The following TM4SF18 variants were observed in gnomAD, a reference collection of about 807,000 sequenced individuals.
TM4SF18 encodes transmembrane 4 L6 family member 18.
Under a neutral mutation model 23.8 loss-of-function variants are expected in TM4SF18, and 22 were observed. The observed-to-expected ratio is 0.92, with a 90% CI of 0.66 to 1.32. TM4SF18 has a LOEUF of 1.32. Among genes scored for constraint, TM4SF18 ranks in the 40% most tolerant of loss-of-function variants. TM4SF18 has a pLI of 0.00. For synonymous variants in TM4SF18, 87 were observed against 87.9 expected (o/e 0.99, Z 0.06); for missense variants, 255 against 240.3 (o/e 1.06, Z -0.41).
In TM4SF18 at chr3:149,318,751, G is replaced by A. The variant is rs530750682; in HGVS notation, c.*2727C>T. 2 of 152,136 alleles carry A rather than the reference G, an allele frequency of 1.3e-5. No individual in the cohort carries two copies. Among genetic ancestry groups the A allele is most frequent in the Non-Finnish European group, 2.9e-5 (2 of 68,028 alleles). The allele number at this position is 152,136 out of a possible 1,614,324, so 9.4% of individuals were successfully genotyped here. On this transcript the variant is annotated 3_prime_UTR_variant, in exon 6 of 6. Transcript: ENST00000296059. ...TTCCAATATTAGGCATTTTCAGGGT[G>A]TTGTGACCACAGATGATGTAACTAT...
chr3:149,325,169 AGT>A, intron 3 of TM4SF18, 147 bp from the exon 4 acceptor site: 1 of 690,108 alleles, frequency 1.4e-6, no homozygotes, highest in South Asian at 3.4e-5. Context: ...TAAAAAAAAA[AGT>A]AATCCAAACC....
intron 2 of TM4SF18, among the ~76,000 whole-genome samples, 187 bp from the exon 3 acceptor site, chr3:149,330,606 G>A (rs980422495): frequency 1.1e-4 from 17 of 152,236 alleles, no homozygotes; most frequent in Non-Finnish European, 2.1e-4. Context: ...TCAAGAGATC[G>A]TCACGAGGTA....
At chr3:149,329,632 C>T (rs922494497) in intron 3 of TM4SF18, among the ~76,000 whole-genome samples, 19 of 152,048 alleles carry the variant, frequency 1.2e-4, no homozygotes, top group Admixed American at 7.9e-4. Flanking sequence ...TGTGAATAAA[C>T]GATGAAGAGG....
chr3:149,333,548 T>C lies in TM4SF18; in HGVS notation c.-53A>G, dbSNP rs920991615. The C allele has an allele frequency of 1.7e-5, 8 of 483,374 alleles. No homozygotes were observed. The highest frequency in any genetic ancestry group is 2.4e-5 in the Non-Finnish European group (7 of 287,338). 29.9% of individuals were successfully genotyped at this position (483,374 alleles called of 1,614,324 possible). A position where few individuals can be genotyped will look rare whatever the true frequency, so the allele number is the denominator to read the frequency against. ...GTCAGAGCCCTTCACTTCATATTCA[T>C]GAGGAGACGGGGAATTGGAATATAC... On this transcript the variant is annotated 5_prime_UTR_variant, in exon 1 of 6. It removes an upstream start codon present in the reference 5' UTR. Transcript: ENST00000296059.
intron 3 of TM4SF18, among the ~76,000 whole-genome samples, chr3:149,325,674 A>G (rs988475123): frequency 6.6e-6 from 1 of 152,114 alleles, no homozygotes; most frequent in Admixed American, 6.5e-5. Context: ...CATGGTACTA[A>G]TGCTGGGAAA....
At chr3:149,324,556 A>C (rs1230582411) in intron 4 of TM4SF18, among the ~76,000 whole-genome samples, 1 of 152,204 alleles carries the variant, frequency 6.6e-6, no homozygotes, top group Non-Finnish European at 1.5e-5. Flanking sequence ...CCAGTCCATA[A>C]GCTCCAGCTG....
rs202040503 is a variant in TM4SF18 at position 149,322,320 on chromosome 3, C to G, written c.527G>C (p.Cys176Ser). Residue 176 changes from cysteine to serine, a missense_variant, in exon 5 of 6, where the codon TGC becomes TCC. Coordinates refer to ENST00000296059, the MANE Select transcript of TM4SF18 (RefSeq NM_138786.4). The part of the protein sequence containing the change: ...ITLSGLQVII[C>S]LIRVVMQLSK... The stretch of plus-strand genomic sequence containing the variant: ...TAGTTGCATGACTACTCTGATGAGG[C>G]AGATGATCACTTGAAGCCCACTGAG... The G allele has an allele frequency of 5.6e-6, 9 of 1,613,898 alleles. No homozygotes were observed. Among genetic ancestry groups the G allele is most frequent in the Non-Finnish European group, 6.8e-6 (8 of 1,179,988 alleles).
chr3:149,333,348 C>T lies in TM4SF18; in HGVS notation c.35G>A (p.Cys12Tyr), dbSNP rs762598206. The T allele has an allele frequency of 3.1e-6, 5 of 1,613,242 alleles. No individual in the cohort carries two copies. In the African/African-American group the frequency reaches 6.7e-5, roughly 22 times the overall value. ...GSRKCGGCLS[C>Y]LLIPLALWSI... ...CCAAAGTGCAAGCGGAATCAGCAAACAACTTAGGCAGCCTCCACACTTCCG... is the reference window on the plus strand; with the variant it reads ...CCAAAGTGCAAGCGGAATCAGCAAATAACTTAGGCAGCCTCCACACTTCCG... The change falls in exon 2 of 6, where the codon TGT (cysteine) becomes TAT (tyrosine). Residue 12 changes from cysteine to tyrosine, a missense_variant. Coordinates refer to ENST00000296059, the MANE Select transcript of TM4SF18 (RefSeq NM_138786.4).
At chr3:149,329,160 A>T (rs1374696908) in intron 3 of TM4SF18, among the ~76,000 whole-genome samples, 2 of 108,404 alleles carry the variant, frequency 1.8e-5, no homozygotes, top group African/African-American at 9.3e-5. Flanking sequence ...AACTGGTCAC[A>T]CACACACACA....
intron 1 of TM4SF18, 33 bp downstream of exon 1, chr3:149,333,480 C>CTTTT (rs1276134709): frequency 2.8e-5 from 11 of 391,532 alleles, no homozygotes; most frequent in East Asian, 1.6e-4. Flanking sequence ...CTCTCTCTCT[C>CTTTT]TCTTTTTTTT....
intron 3 of TM4SF18, among the ~76,000 whole-genome samples, chr3:149,328,004 A>T (rs912316576): frequency 3.4e-5 from 5 of 148,698 alleles, no homozygotes; most frequent in African/African-American, 1.2e-4. Context: ...CAATTTCAAA[A>T]ATAAAATATA....
chr3:149,322,499 T>A (rs1476319463), intron 4 of TM4SF18, 63 bp from the exon 5 acceptor site: 1 of 1,423,664 alleles, frequency 7.0e-7, no homozygotes, highest in Non-Finnish European at 9.6e-7. Flanking sequence ...CAAGCATTTG[T>A]ATGTTTGAGA....
At chr3:149,331,374 T>C (rs1338364091) in intron 2 of TM4SF18, among the ~76,000 whole-genome samples, 1 of 152,220 alleles carries the variant, frequency 6.6e-6, no homozygotes, top group African/African-American at 2.4e-5. Context: ...AGAACAGGTT[T>C]CTTTTCCTAG....
chr3:149,333,482 C>CCTTTT, intron 1 of TM4SF18, 31 bp downstream of exon 1: 1 of 235,256 alleles, frequency 4.3e-6, no homozygotes, highest in South Asian at 1.4e-4. Context: ...CTCTCTCTCT[C>CCTTTT]TTTTTTTTTT....
intron 4 of TM4SF18, 136 bp downstream of exon 4, chr3:149,324,744 A>G: frequency 3.5e-6 from 4 of 1,134,070 alleles, no homozygotes. Context: ...GGATATTAGT[A>G]AACTAACAGG....
intron 3 of TM4SF18, among the ~76,000 whole-genome samples, chr3:149,326,937 TTTG>T (rs1486343985): frequency 2.6e-5 from 4 of 152,082 alleles, no homozygotes; most frequent in East Asian, 3.9e-4. Flanking sequence ...AAGCTGGGGT[TTTG>T]TTGTTGTTGT....
chr3:149,332,938 T>C (rs1731117150), intron 2 of TM4SF18, among the ~76,000 whole-genome samples: 1 of 152,170 alleles, frequency 6.6e-6, no homozygotes, highest in Admixed American at 6.5e-5. Flanking sequence ...CATGAGAACA[T>C]ACTGTTTTTA....
chr3:149,327,899 G>T (rs1352173759), intron 3 of TM4SF18, among the ~76,000 whole-genome samples: 1 of 152,132 alleles, frequency 6.6e-6, no homozygotes, highest in Non-Finnish European at 1.5e-5. Flanking sequence ...ATCAAGGTAA[G>T]CCTCAAAATA....
chr3:149,324,747 C>G (rs1730894487), intron 4 of TM4SF18, 133 bp downstream of exon 4: 1 of 1,165,826 alleles, frequency 8.6e-7, no homozygotes. Context: ...TATTAGTAAA[C>G]TAACAGGGAA....
Sources: gnomAD v4.1 joint callset for allele counts (sites outside exome capture counted in the v4.1 genomes callset) on GRCh38, gnomAD v4.1.1 for gene constraint, MANE v1.5 for transcripts, NCBI Gene and HGNC (gene_info 2026-07-23, HGNC 2026-07-21) for gene names.